FAAP100: variants seen among roughly 807,000 people sequenced by gnomAD.
FAAP100 encodes the protein Fanconi anemia core complex-associated protein 100.
Under a neutral mutation model 65.8 loss-of-function variants are expected in FAAP100, and 46 were observed. That is an observed-to-expected ratio of 0.70 (90% CI 0.55 to 0.89). The LOEUF (loss-of-function observed/expected upper bound fraction) is 0.89. FAAP100 is among the 40% of genes least tolerant of loss of function. The pLI, the probability that FAAP100 is intolerant of heterozygous loss-of-function variation, is 0.00. For synonymous variants in FAAP100, 663 were observed against 555.1 expected, an observed-to-expected ratio of 1.19 and a Z score of -2.73; for missense variants, 1,165 against 1,196.7, an observed-to-expected ratio of 0.97 and a Z score of 0.39.
At chr17:81,549,433 T>A in intron 3 of FAAP100, 71 bp from the exon 4 acceptor site, 5 of 1,521,904 alleles carry the variant, frequency 3.3e-6, no homozygotes, top group Non-Finnish European at 4.4e-6. Flanking sequence ...CGGTGGTGTT[T>A]CCCTGGACTC....
chr17:81,541,226 C>G, intron 8 of FAAP100, 83 bp downstream of exon 8: 1 of 1,432,572 alleles, frequency 7.0e-7, no homozygotes, highest in South Asian at 1.2e-5. Flanking sequence ...CTCTGCGGAC[C>G]CCGAGTGACT....
intron 5 of FAAP100, 28 bp from the exon 6 acceptor site, chr17:81,545,910 C>T (rs1276595464): frequency 6.3e-7 from 1 of 1,590,656 alleles, no homozygotes; most frequent in East Asian, 2.2e-5. Context: ...GCCGAGAGCT[C>T]AGCCTGATCC....
At position 81,550,614 on chromosome 17, in the gene FAAP100, C is replaced by A. The variant is rs1250118015; in HGVS notation, c.880G>T (p.Ala294Ser). The A allele has an allele frequency of 2.5e-6, 4 of 1,612,996 alleles. No individual in the cohort carries two copies. The highest frequency in any genetic ancestry group is 3.4e-6 in the Non-Finnish European group (4 of 1,179,998). The change falls in exon 3 of 9, where the codon GCT becomes TCT. Residue 294 changes from alanine to serine, a missense_variant. Coordinates refer to ENST00000327787, the MANE Select transcript of FAAP100 (RefSeq NM_025161.6). ...AGAAAATTCTCTGCAGCTTCTGCAG[C>A]CTGTGGCTCTGTCTTCAAGGCCCCT... ...FIGALKTEPQ[A>S]AEAAENFLPD...
chr17:81,545,872 C>T lies in FAAP100; in HGVS notation c.2184G>A (p.Leu728=), dbSNP rs759861389. The T allele has an allele frequency of 5.6e-6, 9 of 1,606,982 alleles. No homozygotes were observed. The South Asian group carries it at 7.7e-5, about 14-fold the overall frequency. The change falls in exon 6 of 9, where the codon CTG becomes CTA. Residue 728 remains leucine (L), a synonymous_variant. Transcript: ENST00000327787. ...GGAGCCACTGCAGGGTGGCACAGCA[C>T]AGGGGCACGCCTGGAGGGGAGGCAT... is the stretch of plus-strand genomic sequence containing the variant. ...ALKDGHSGVP[L]CCATLQWLLA...
At chr17:81,545,347 A>G (rs1015541956) in intron 6 of FAAP100, among the ~76,000 whole-genome samples, 1 of 152,256 alleles carries the variant, frequency 6.6e-6, no homozygotes, top group African/African-American at 2.4e-5. Flanking sequence ...CAGGGGCTGG[A>G]GACCAGCAGT....
Position 81,550,406 on chromosome 17 carries a change from G to A in FAAP100, c.1088C>T (p.Pro363Leu). 2 of 1,612,736 alleles carry A rather than the reference G, an allele frequency of 1.2e-6. No homozygotes were observed. The highest frequency in any genetic ancestry group is 1.7e-6 in the Non-Finnish European group (2 of 1,179,988). The change falls in exon 3 of 9, where the codon CCT becomes CTT. Residue 363 changes from proline (P) to leucine (L), a missense_variant. Coordinates refer to ENST00000327787, the MANE Select transcript of FAAP100 (RefSeq NM_025161.6). The stretch of plus-strand genomic sequence containing the variant: ...CAGATCCACCACACAGAGGTCAGAA[G>A]GGGTGCTGTGGTACACGCGGCCACC... Reference protein sequence around the residue: ...GGGGRVYHSTPSDLCVVDLSR... With the variant: ...GGGGRVYHSTLSDLCVVDLSR...
intron 6 of FAAP100, among the ~76,000 whole-genome samples, chr17:81,545,051 TC>T (rs1166463745): frequency 1.3e-5 from 2 of 152,206 alleles, no homozygotes; most frequent in Non-Finnish European, 2.9e-5. Flanking sequence ...GTGCCTGTAA[TC>T]CCAGCTACTC....
chr17:81,540,851 G>A lies in FAAP100; in HGVS notation c.2614C>T (p.Gln872Ter). 1 of 1,544,870 alleles carries A rather than the reference G, an allele frequency of 6.5e-7. No individual in the cohort carries two copies. Among genetic ancestry groups the A allele is most frequent in the Non-Finnish European group, 8.7e-7 (1 of 1,147,814 alleles). Reference sequence around the variant, plus strand: ...AGGATGAGGCTGGGGTGGCGCAGCTGCCGGTACACCTGTAGCAGCCTCTGG... The same window carrying A: ...AGGATGAGGCTGGGGTGGCGCAGCTACCGGTACACCTGTAGCAGCCTCTGG... Reference protein sequence around the residue: ...TAQRLLQVYRQLRHPSLILL With the variant: ...TAQRLLQVYR Residue 872 changes from glutamine (Q) to a stop codon, truncating the protein, a stop_gained, in exon 9 of 9, where the codon CAG (glutamine) becomes TAG (stop). Transcript: ENST00000327787. LOFTEE classifies it high-confidence loss of function.
In FAAP100 at chr17:81,541,082, C is replaced by T. The variant is rs117452786; in HGVS notation, c.2515-132G>A. Reference sequence around the variant, plus strand: ...GGTGGTCCGAGGAAGAACACTCATCCGGAACCTTAAAACATGGGACACGCA... The same window carrying T: ...GGTGGTCCGAGGAAGAACACTCATCTGGAACCTTAAAACATGGGACACGCA... On this transcript the variant is annotated intron_variant, in intron 8 of 8. Transcript: ENST00000327787. 0.011 allele frequency: 14,435 copies of T among 1,267,680 alleles called. 115 individuals carry two copies. The highest frequency in any genetic ancestry group is 0.014 in the Non-Finnish European group (12,798 of 938,866). 78.5% of individuals were successfully genotyped at this position (1,267,680 alleles called of 1,614,324 possible).
In FAAP100 at chr17:81,550,537, G is replaced by A; in HGVS notation, c.957C>T (p.Gly319=). The part of the protein sequence containing the change: ...CDCLVAFGHH[G]RMLAIKASWD... ...AGCTGGCCTTGATGGCCAGCATCCG[G>A]CCGTGGTGACCAAAGGCCACCAGGC... Residue 319 remains glycine, a synonymous_variant, in exon 3 of 9, where the codon GGC becomes GGT. Transcript: ENST00000327787. 1 of 1,612,874 alleles carries A rather than the reference G, an allele frequency of 6.2e-7. No homozygotes were observed. The highest frequency in any genetic ancestry group is 8.5e-7 in the Non-Finnish European group (1 of 1,180,036).
At chr17:81,546,724 G>A (rs1331512766) in intron 5 of FAAP100, among the ~76,000 whole-genome samples, 185 bp downstream of exon 5, 1 of 152,090 alleles carries the variant, frequency 6.6e-6, no homozygotes, top group East Asian at 1.9e-4. Context: ...GGGTGAAGTG[G>A]CTCATGCAGG....
intron 7 of FAAP100, 50 bp from the exon 8 acceptor site, chr17:81,541,445 C>T (rs1194670715): frequency 6.7e-7 from 1 of 1,498,050 alleles, no homozygotes; most frequent in Admixed American, 1.7e-5. Context: ...AGCACCTGCC[C>T]CCACACCCCT....
chr17:81,543,186 C>T (rs2033180928), intron 7 of FAAP100, among the ~76,000 whole-genome samples: 2 of 152,204 alleles, frequency 1.3e-5, no homozygotes, highest in Non-Finnish European at 2.9e-5. Context: ...ACAGAAAGGC[C>T]TGGTCTCCAA....
chr17:81,547,203 A>T lies in FAAP100; in HGVS notation c.1879T>A (p.Cys627Ser). 1 of 1,563,676 alleles carries T rather than the reference A, an allele frequency of 6.4e-7. No individual in the cohort carries two copies. Among genetic ancestry groups the T allele is most frequent in the African/African-American group, 1.4e-5 (1 of 74,040 alleles). Reference protein sequence around the residue: ...SDSEDPFLDECPSDVLPEQEG... With the variant: ...SDSEDPFLDESPSDVLPEQEG... ...TGCTCGGGCAGGACGTCGGAGGGGC[A>T]CTCATCCAGAAAGGGGTCCTCAGAG... Residue 627 changes from cysteine (C) to serine (S), a missense_variant, in exon 5 of 9, where the codon TGC becomes AGC. Coordinates refer to ENST00000327787, the MANE Select transcript of FAAP100 (RefSeq NM_025161.6).
rs529961542 is a variant in FAAP100, at chr17:81,540,765, G to A, written c.*54C>T. On this transcript the variant is annotated 3_prime_UTR_variant, in exon 9 of 9. Coordinates refer to ENST00000327787, the MANE Select transcript of FAAP100 (RefSeq NM_025161.6). ...TCCCTCTAACCCATGAGGCCTGGGGGGGCTGTGACAGAGGCTGGAAGCGTG... is the reference window on the plus strand; with the variant it reads ...TCCCTCTAACCCATGAGGCCTGGGGAGGCTGTGACAGAGGCTGGAAGCGTG... 228 of 1,457,414 alleles carry A rather than the reference G, an allele frequency of 1.6e-4. 1 individual carries two copies. In the East Asian group the frequency reaches 5.0e-3, roughly 32 times the overall value. 90.3% of individuals were successfully genotyped at this position (1,457,414 alleles called of 1,614,324 possible).
chr17:81,547,710 G>A lies in FAAP100; in HGVS notation c.1404-32C>T, dbSNP rs778907584. 3.7e-6 allele frequency: 6 copies of A among 1,602,024 alleles called. No homozygotes were observed. The South Asian group carries it at 6.6e-5, about 18-fold the overall frequency. ...AGGACAGACATGACCCCCGGGAGCG[G>A]GGGGACACCCACAGCACCAGGTGCC... is the stretch of plus-strand genomic sequence containing the variant. On this transcript the variant is annotated intron_variant, in intron 4 of 8. Coordinates refer to ENST00000327787, the MANE Select transcript of FAAP100 (RefSeq NM_025161.6).
At chr17:81,549,475 G>A (rs2033419080) in intron 3 of FAAP100, 113 bp from the exon 4 acceptor site, 2 of 1,333,200 alleles carry the variant, frequency 1.5e-6, no homozygotes, top group African/African-American at 1.5e-5. Context: ...GCCAAGGCCA[G>A]TGTCCAGTGA....
At chr17:81,549,717 T>C (rs2033425111) in intron 3 of FAAP100, among the ~76,000 whole-genome samples, 1 of 152,226 alleles carries the variant, frequency 6.6e-6, no homozygotes, top group African/African-American at 2.4e-5. Context: ...AGGAGGTGTG[T>C]GGCTCTATTC....
In FAAP100 at chr17:81,549,203, C is replaced by A. The variant is rs1324513385; in HGVS notation, c.1403+3G>T. On this transcript the variant is annotated splice_donor_region_variant and intron_variant, in intron 4 of 8. Transcript: ENST00000327787. ...TCTACCCGGTCCGAGCTGAGCTGCT[C>A]ACCTCTCAGAGATGTTGCCAATTCC... 4 of 1,611,814 alleles carry A rather than the reference C, an allele frequency of 2.5e-6. No individual in the cohort carries two copies. The South Asian group carries it at 4.4e-5, about 18-fold the overall frequency.
Sources: gnomAD v4.1 joint callset for allele counts (sites outside exome capture counted in the v4.1 genomes callset) on GRCh38, gnomAD v4.1.1 for gene constraint, MANE v1.5 for transcripts, NCBI Gene and HGNC (gene_info 2026-07-23, HGNC 2026-07-21) for gene names.